The following MAGI2 variants were observed in gnomAD, a reference collection of about 807,000 sequenced individuals.
MAGI2 encodes the protein membrane associated guanylate kinase, WW and PDZ domain containing 2, also known as membrane-associated guanylate kinase, WW and PDZ domain-containing protein 2.
A neutral mutation model predicts 133.3 loss-of-function variants in MAGI2; 35 were observed. The ratio of observed to expected loss-of-function variants is 0.26; its 90% CI spans 0.20 to 0.35. The LOEUF is 0.35. Ranked by LOEUF, MAGI2 falls within the 10% of genes least tolerant of loss-of-function variation. MAGI2 has a pLI of 1.00. For synonymous variants in MAGI2, 729 were observed against 710.6 expected, an observed-to-expected ratio of 1.03 and a Z score of -0.41; for missense variants, 1,636 against 1,863.4, an observed-to-expected ratio of 0.88 and a Z score of 2.25.
At chr7:78,187,605 A>G (rs1436740855) in intron 12 of MAGI2, among the ~76,000 whole-genome samples, 15 of 152,134 alleles carry the variant, frequency 9.9e-5, no homozygotes, top group Non-Finnish European at 2.9e-5. Flanking sequence ...GCTCATGGAG[A>G]GCATAACAAT....
At chr7:79,369,824 G>A (rs1842948467) in intron 1 of MAGI2, among the ~76,000 whole-genome samples, 1 of 150,470 alleles carries the variant, frequency 6.6e-6, no homozygotes, top group African/African-American at 2.4e-5. Context: ...AATTATATTT[G>A]TGTTTTATAA....
chr7:78,533,492 G>A (rs1361597695), intron 3 of MAGI2, among the ~76,000 whole-genome samples: 3 of 152,146 alleles, frequency 2.0e-5, no homozygotes, highest in Non-Finnish European at 4.4e-5. Flanking sequence ...TAATCTCTGA[G>A]GAGACATTTT....
At chr7:78,353,014 A>G (rs1282236311) in intron 7 of MAGI2, 1 of 152,218 alleles carries the variant, frequency 6.6e-6, no homozygotes, top group African/African-American at 2.4e-5. Flanking sequence ...GCCACTAGGC[A>G]TGCATTAAAA....
intron 1 of MAGI2, among the ~76,000 whole-genome samples, chr7:79,370,777 C>T (rs1843000745): frequency 6.6e-6 from 1 of 151,960 alleles, no homozygotes; most frequent in South Asian, 2.1e-4. Context: ...AATCTTCACG[C>T]TATTGCCTCA....
chr7:78,289,102 T>C (rs758301040), intron 9 of MAGI2, among the ~76,000 whole-genome samples: 12 of 152,314 alleles, frequency 7.9e-5, no homozygotes, highest in Middle Eastern at 3.4e-3. Context: ...GGATGGAGAA[T>C]GACTTTGATG....
At chr7:78,921,063 C>T (rs947560739) in intron 2 of MAGI2, among the ~76,000 whole-genome samples, 2 of 152,020 alleles carry the variant, frequency 1.3e-5, no homozygotes, top group Non-Finnish European at 2.9e-5. Context: ...TCTTGACATT[C>T]CTGAAGATGT....
intron 1 of MAGI2, among the ~76,000 whole-genome samples, chr7:79,156,840 G>C (rs1823825223): frequency 6.6e-6 from 1 of 151,894 alleles, no homozygotes; most frequent in Non-Finnish European, 1.5e-5. Flanking sequence ...ACAATAATTT[G>C]GCATCCAACA....
chr7:79,101,596 C>T lies in MAGI2; in HGVS notation c.302-94390G>A, dbSNP rs949055952. The stretch of plus-strand genomic sequence containing the variant: ...AAAATTAGGCAGGCGTGGTGGCGGG[C>T]GCCCGTAGTCCCAGCTACTCGGGAG... On this transcript the variant is annotated intron_variant, in intron 1 of 21. Transcript: ENST00000354212. Among the ~76,000 whole-genome samples, 69 of 151,608 alleles carry T rather than the reference C, an allele frequency of 4.6e-4. 1 individual carries two copies. Among genetic ancestry groups the T allele is most frequent in the African/African-American group, 1.6e-3 (68 of 41,310 alleles).
intron 2 of MAGI2, among the ~76,000 whole-genome samples, chr7:78,962,007 A>G (rs1331260828): frequency 2.0e-5 from 3 of 152,076 alleles, no homozygotes; most frequent in Non-Finnish European, 4.4e-5. Flanking sequence ...AATGTTAAGT[A>G]TTTGTGTATC....
At chr7:79,077,597 A>AAAAC (rs1815639025) in intron 1 of MAGI2, among the ~76,000 whole-genome samples, 1 of 17,704 alleles carries the variant, frequency 5.6e-5, no homozygotes, top group Non-Finnish European at 1.9e-4. Flanking sequence ...AAAAAAAAAT[A>AAAAC]AATAAATAAA....
At chr7:78,102,896 T>G (rs958788742) in intron 20 of MAGI2, among the ~76,000 whole-genome samples, 4 of 152,226 alleles carry the variant, frequency 2.6e-5, no homozygotes, top group Non-Finnish European at 5.9e-5. Context: ...TACTTCCGTC[T>G]TATTTTCCTG....
intron 16 of MAGI2, among the ~76,000 whole-genome samples, chr7:78,152,163 C>T (rs1823943330): frequency 1.3e-5 from 2 of 152,122 alleles, no homozygotes; most frequent in Non-Finnish European, 2.9e-5. Flanking sequence ...TAGTCTCCAC[C>T]TCCTAGGGGT....
intron 16 of MAGI2, among the ~76,000 whole-genome samples, chr7:78,146,407 T>A (rs562374695): frequency 6.6e-6 from 1 of 152,282 alleles, no homozygotes; most frequent in East Asian, 1.9e-4. Context: ...TAGTAATTTT[T>A]AATCAGTTTT....
intron 1 of MAGI2, among the ~76,000 whole-genome samples, chr7:79,312,866 T>C (rs1193939003): frequency 6.6e-6 from 1 of 152,182 alleles, no homozygotes. Context: ...ACAATAAAGA[T>C]GCAGTTGCAC....
At chr7:78,183,799 C>G (rs188558652) in intron 13 of MAGI2, among the ~76,000 whole-genome samples, 82 of 152,316 alleles carry the variant, frequency 5.4e-4, no homozygotes, top group Non-Finnish European at 9.0e-4. Context: ...AACTCCTGGG[C>G]TCAAGCTGTT....
chr7:78,660,642 TA>T (rs1237677007), intron 2 of MAGI2, among the ~76,000 whole-genome samples: 2 of 152,176 alleles, frequency 1.3e-5, no homozygotes, highest in African/African-American at 2.4e-5. Context: ...GTGGCATTTT[TA>T]AAACCCGCTT....
intron 21 of MAGI2, among the ~76,000 whole-genome samples, chr7:78,053,877 G>A (rs947936590): frequency 6.6e-6 from 1 of 152,144 alleles, no homozygotes; most frequent in East Asian, 1.9e-4. Flanking sequence ...ATTCTGTTCA[G>A]CAGTCCAAAC....
chr7:79,356,058 G>A (rs1468239751), intron 1 of MAGI2, among the ~76,000 whole-genome samples: 2 of 152,196 alleles, frequency 1.3e-5, no homozygotes, highest in African/African-American at 4.8e-5. Context: ...TACATTTACA[G>A]CATCCATCTT....
chr7:78,395,627 A>T (rs924878378), intron 6 of MAGI2, among the ~76,000 whole-genome samples: 22 of 152,228 alleles, frequency 1.4e-4, no homozygotes, highest in Non-Finnish European at 5.9e-5. Flanking sequence ...AGATATTATC[A>T]CAGTTTACTT....
Sources: gnomAD v4.1 joint callset for allele counts (sites outside exome capture counted in the v4.1 genomes callset) on GRCh38, gnomAD v4.1.1 for gene constraint, MANE v1.5 for transcripts, NCBI Gene and HGNC (gene_info 2026-07-23, HGNC 2026-07-21) for gene names.